The following KIAA1586 variants were observed in gnomAD, a reference collection of about 807,000 sequenced individuals.
KIAA1586 encodes E3 SUMO-protein ligase KIAA1586.
In KIAA1586, 5 loss-of-function variants were observed where a neutral mutation model predicts 6.1. That is an observed-to-expected ratio of 0.82 (90% CI 0.43 to 1.73). The LOEUF (loss-of-function observed/expected upper bound fraction) is 1.73. Ranked by LOEUF, KIAA1586 falls within the 40% of genes most tolerant of loss-of-function variation. KIAA1586 has a pLI of 0.02. For synonymous variants in KIAA1586, 280 were observed against 301.7 expected (o/e 0.93, Z 0.75); for missense variants, 899 against 878.2 (o/e 1.02, Z -0.30).
rs749096697 is a variant in KIAA1586, at chr6:57,053,358, A to G, written c.859A>G (p.Ser287Gly). 1 of 1,612,252 alleles carries G rather than the reference A, an allele frequency of 6.2e-7. No individual in the cohort carries two copies. Among genetic ancestry groups the G allele is most frequent in the Admixed American group, 1.7e-5 (1 of 59,754 alleles). ...GEVNCLNTRYSATRIAEHIAK... is the reference protein window; with the variant it reads ...GEVNCLNTRYGATRIAEHIAK... ...GGTAAATTGTTTAAATACACGTTAC[A>G]GTGCAACAAGAATAGCAGAACATAT... is the stretch of plus-strand genomic sequence containing the variant. The change falls in exon 4 of 4, where the codon AGT becomes GGT. Residue 287 changes from serine to glycine, a missense_variant. Transcript: ENST00000370733.
Position 57,050,815 on chromosome 6 carries a change from C to G in KIAA1586, c.147C>G (p.Val49=), listed in dbSNP as rs1441426955. ...SRPVLEYIDL[V]CGDDENPSAY... ...CTGTTCTTGAATACATCGATCTGGT[C>G]TGTGGTGATGATGAAAACCCTAGCG... is the stretch of plus-strand genomic sequence containing the variant. Residue 49 remains valine, a synonymous_variant, in exon 3 of 4, where the codon GTC becomes GTG. Coordinates refer to ENST00000370733, the MANE Select transcript of KIAA1586 (RefSeq NM_020931.4). 1 of 1,613,220 alleles carries G rather than the reference C, an allele frequency of 6.2e-7. No homozygotes were observed.
At chr6:57,060,981 C>CTT in the KIAA1586 span, among the ~76,000 whole-genome samples, 1 of 138,320 alleles carries the variant, frequency 7.2e-6, no homozygotes, top group Non-Finnish European at 1.6e-5. Context: ...TATGTTCCGC[C>CTT]TTTTTTTTTT....
rs963430438 is a variant in KIAA1586 at position 57,050,795 on chromosome 6, C to A, written c.127C>A (p.Leu43Ile). ...FVSEGPSRPV[L>I]EYIDLVCGDD... ...TTAGGAAGGACCATCGAGACCTGTT[C>A]TTGAATACATCGATCTGGTCTGTGG... is the stretch of plus-strand genomic sequence containing the variant. Residue 43 changes from leucine to isoleucine, a missense_variant, in exon 3 of 4, where the codon CTT becomes ATT. By Grantham distance (5) the Leu-to-Ile change is conservative. Transcript: ENST00000370733. 6 of 1,613,154 alleles carry A rather than the reference C, an allele frequency of 3.7e-6. No homozygotes were observed. Among genetic ancestry groups the A allele is most frequent in the Admixed American group, 1.7e-5 (1 of 59,964 alleles).
rs1485961526 is a variant in KIAA1586, at chr6:57,050,868, A to G, written c.186+14A>G. The G allele has an allele frequency of 2.5e-6, 4 of 1,576,708 alleles. No individual in the cohort carries two copies. The highest frequency in any genetic ancestry group is 2.2e-5 in the East Asian group (1 of 44,654). ...TATTATAGTGATGTAAGCACATTATATTTGTGTTTGTTCAGTTTTCTTATT... is the reference window on the plus strand; with the variant it reads ...TATTATAGTGATGTAAGCACATTATGTTTGTGTTTGTTCAGTTTTCTTATT... On this transcript the variant is annotated intron_variant, in intron 3 of 3. Transcript: ENST00000370733.
At chr6:57,055,836 T>G (rs931658370), downstream of KIAA1586, among the ~76,000 whole-genome samples, 1 of 152,192 alleles carries the variant, frequency 6.6e-6, no homozygotes, top group Non-Finnish European at 1.5e-5. Context: ...AATTGCAGTT[T>G]GCTGTGGCAG....
At chr6:57,066,166 C>A in the KIAA1586 span, among the ~76,000 whole-genome samples, 1 of 151,462 alleles carries the variant, frequency 6.6e-6, no homozygotes, top group African/African-American at 2.4e-5. Flanking sequence ...GTAATCCCAG[C>A]CACTCAGGAG....
intron 2 of KIAA1586, among the ~76,000 whole-genome samples, chr6:57,048,583 G>A (rs750883755): frequency 2.0e-5 from 3 of 152,178 alleles, no homozygotes; most frequent in East Asian, 3.8e-4. Context: ...AGTAAGCAAC[G>A]TAACTTGAAA....
At chr6:57,057,120 C>T (rs1828510896), downstream of KIAA1586, among the ~76,000 whole-genome samples, 4 of 151,496 alleles carry the variant, frequency 2.6e-5, no homozygotes, top group South Asian at 8.3e-4. Context: ...CCCAGCTACT[C>T]GGGAGGCTAG....
chr6:57,053,744 T>G lies in KIAA1586; in HGVS notation c.1245T>G (p.Ile415Met). Reference protein sequence around the residue: ...KLLENFPEIIIWNCLNHRLQL... With the variant: ...KLLENFPEIIMWNCLNHRLQL... ...TAGAAAATTTTCCTGAAATCATCAT[T>G]TGGAACTGTTTAAATCATCGATTAC... Residue 415 changes from isoleucine to methionine, a missense_variant, in exon 4 of 4, where the codon ATT (isoleucine) becomes ATG (methionine). Ile to Met is a conservative substitution (Grantham distance 10). Coordinates refer to ENST00000370733, the MANE Select transcript of KIAA1586 (RefSeq NM_020931.4). 2 of 1,608,122 alleles carry G rather than the reference T, an allele frequency of 1.2e-6. No homozygotes were observed. Among genetic ancestry groups the G allele is most frequent in the Non-Finnish European group, 1.7e-6 (2 of 1,176,300 alleles).
At chr6:57,055,762 C>T (rs1828488799), downstream of KIAA1586, among the ~76,000 whole-genome samples, 2 of 152,094 alleles carry the variant, frequency 1.3e-5, no homozygotes, top group African/African-American at 4.8e-5. Flanking sequence ...GATGCAGAAC[C>T]TAGTACAACT....
intron 2 of KIAA1586, among the ~76,000 whole-genome samples, chr6:57,049,585 T>G (rs1828270005): frequency 6.6e-6 from 1 of 152,168 alleles, no homozygotes; most frequent in Non-Finnish European, 1.5e-5. Flanking sequence ...AAAAGAGTCC[T>G]TATCTTAATG....
chr6:57,050,711 T>C lies in KIAA1586; in HGVS notation c.106-63T>C. 5 of 1,189,348 alleles carry C rather than the reference T, an allele frequency of 4.2e-6. No homozygotes were observed. In the Admixed American group the frequency reaches 1.0e-4, roughly 24 times the overall value. The allele number at this position is 1,189,348 out of a possible 1,614,324, so 73.7% of individuals were successfully genotyped here. A position where few individuals can be genotyped will look rare whatever the true frequency, so the allele number is the denominator to read the frequency against. On this transcript the variant is annotated intron_variant, in intron 2 of 3. Coordinates refer to ENST00000370733, the MANE Select transcript of KIAA1586 (RefSeq NM_020931.4). ...AACTAAAAAAATCTCCCACTGATTGTTAAATTTAAGTTTAATTGGAATGAT... is the reference window on the plus strand; with the variant it reads ...AACTAAAAAAATCTCCCACTGATTGCTAAATTTAAGTTTAATTGGAATGAT...
At chr6:57,057,198 A>G (rs1213389182), downstream of KIAA1586, among the ~76,000 whole-genome samples, 1 of 151,920 alleles carries the variant, frequency 6.6e-6, no homozygotes, top group African/African-American at 2.4e-5. Context: ...ACTGAACTCC[A>G]GCCTGGGCGA....
chr6:57,053,957 A>T lies in KIAA1586; in HGVS notation c.1458A>T (p.Ala486=). The T allele has an allele frequency of 6.3e-7, 1 of 1,586,486 alleles. No individual in the cohort carries two copies. Among genetic ancestry groups the T allele is most frequent in the South Asian group, 1.2e-5 (1 of 85,048 alleles). The change falls in exon 4 of 4, where the codon GCA becomes GCT. Residue 486 remains alanine (A), a synonymous_variant. Transcript: ENST00000370733. ...GAGTAATGGGACCAAGATGGGCGGC[A>T]TGTAGTTTACAAGCTGCTACTGCTG... ...IGRVMGPRWA[A]CSLQAATAVW... is the part of the protein sequence containing the mutation.
chr6:57,052,429 C>T (rs1828353314), intron 3 of KIAA1586, among the ~76,000 whole-genome samples: 2 of 152,048 alleles, frequency 1.3e-5, no homozygotes, highest in Admixed American at 6.6e-5. Context: ...AAACATATGA[C>T]CAACCATTTT....
the KIAA1586 span, among the ~76,000 whole-genome samples, chr6:57,063,761 T>A: frequency 6.6e-6 from 1 of 152,174 alleles, no homozygotes; most frequent in African/African-American, 2.4e-5. Flanking sequence ...GCAGATTATG[T>A]TATTTCTAAA....
chr6:57,046,878 G>C, intron 1 of KIAA1586, 102 bp downstream of exon 1: 1 of 1,465,548 alleles, frequency 6.8e-7, no homozygotes, highest in South Asian at 1.2e-5. Context: ...GCCTCGGGGC[G>C]ATACCTCTTC....
chr6:57,062,180 C>G, the KIAA1586 span, among the ~76,000 whole-genome samples: 4 of 152,178 alleles, frequency 2.6e-5, no homozygotes, highest in African/African-American at 9.6e-5. Flanking sequence ...ATACACTGAC[C>G]TTGGCCTCCA....
At chr6:57,059,166 CTT>C (rs1828533790), downstream of KIAA1586, among the ~76,000 whole-genome samples, 1 of 152,022 alleles carries the variant, frequency 6.6e-6, no homozygotes, top group African/African-American at 2.4e-5. Context: ...ATTTTAAAGA[CTT>C]AACATGCAAA....
Sources: allele counts gnomAD v4.1 joint callset (sites outside exome capture counted in the v4.1 genomes callset), GRCh38; gene constraint gnomAD v4.1.1; transcripts MANE v1.5; gene names NCBI Gene and HGNC (gene_info 2026-07-23, HGNC 2026-07-21).